FDFT1: variants seen among roughly 807,000 people sequenced by gnomAD.
FDFT1 encodes the protein squalene synthase.
A neutral mutation model predicts 46.8 loss-of-function variants in FDFT1; 68 were observed. The ratio of observed to expected loss-of-function variants is 1.45; its 90% CI spans 1.19 to 1.78. The LOEUF (loss-of-function observed/expected upper bound fraction) is 1.78, where lower values mean the gene tolerates loss of function less well. Among genes scored for constraint, FDFT1 ranks in the 40% most tolerant of loss-of-function variants. The pLI is 0.00. For missense variants in FDFT1, 928 were observed against 524.4 expected, an observed-to-expected ratio of 1.77 and a Z score of -7.52; for synonymous variants, 351 against 185.1, an observed-to-expected ratio of 1.90 and a Z score of -7.28.
chr8:11,805,689 C>T (rs947023511), intron 1 of FDFT1, among the ~76,000 whole-genome samples: 1 of 152,204 alleles, frequency 6.6e-6, no homozygotes, highest in Non-Finnish European at 1.5e-5. Flanking sequence ...CACTTGGCAG[C>T]AAAACCTGAC....
intron 4 of FDFT1, among the ~76,000 whole-genome samples, chr8:11,823,188 T>A (rs1050802851): frequency 1.3e-5 from 2 of 152,146 alleles, no homozygotes; most frequent in African/African-American, 4.8e-5. Context: ...ACTCCTGGCA[T>A]CAAACAGTCC....
At chr8:11,817,324 A>G (rs1808594333) in intron 3 of FDFT1, among the ~76,000 whole-genome samples, 1 of 152,172 alleles carries the variant, frequency 6.6e-6, no homozygotes, top group African/African-American at 2.4e-5. Flanking sequence ...ATTGGCCTAA[A>G]ATTCTCTTTT....
At position 11,826,235 on chromosome 8, in the gene FDFT1, T is replaced by C. The variant is rs762161668; in HGVS notation, c.702+20T>C. The C allele has an allele frequency of 3.5e-5, 52 of 1,482,888 alleles. No homozygotes were observed. The highest frequency in any genetic ancestry group is 1.8e-4 in the Middle Eastern group (1 of 5,434). 91.9% of individuals were successfully genotyped at this position (1,482,888 alleles called of 1,614,324 possible). ...CAAGAGGTAACAGATTCAGGGTATTTTGGGGGAAAATAACTTTAGACATTC... is the reference window on the plus strand; with the variant it reads ...CAAGAGGTAACAGATTCAGGGTATTCTGGGGGAAAATAACTTTAGACATTC... On this transcript the variant is annotated intron_variant, in intron 5 of 7. Transcript: ENST00000220584.
At chr8:11,829,655 A>G (rs1810498185) in intron 5 of FDFT1, among the ~76,000 whole-genome samples, 1 of 152,154 alleles carries the variant, frequency 6.6e-6, no homozygotes, top group African/African-American at 2.4e-5. Flanking sequence ...AATTCGTCCA[A>G]GTAGTGCAGT....
upstream of FDFT1, among the ~76,000 whole-genome samples, chr8:11,801,263 C>T (rs939211858): frequency 6.6e-5 from 10 of 152,190 alleles, no homozygotes; most frequent in African/African-American, 2.4e-4. Flanking sequence ...CCTATAGGTG[C>T]TTTGGCTTTT....
chr8:11,821,350 T>TGG (rs1423080839), intron 3 of FDFT1, among the ~76,000 whole-genome samples: 1 of 152,226 alleles, frequency 6.6e-6, no homozygotes, highest in Non-Finnish European at 1.5e-5. Context: ...CCCAGCAGTT[T>TGG]GGGAGGCCAG....
At chr8:11,832,736 G>A (rs923541841) in intron 7 of FDFT1, among the ~76,000 whole-genome samples, 10 of 151,894 alleles carry the variant, frequency 6.6e-5, no homozygotes, top group Admixed American at 3.9e-4. Flanking sequence ...GGTGCTACTG[G>A]CATCTGGTGA....
intron 3 of FDFT1, among the ~76,000 whole-genome samples, chr8:11,818,021 C>T (rs1284587988): frequency 1.3e-5 from 2 of 152,192 alleles, no homozygotes; most frequent in Admixed American, 1.3e-4. Flanking sequence ...TCCCTCTACA[C>T]ACTGCTTTAA....
At chr8:11,809,921 T>C in intron 3 of FDFT1, 71 bp downstream of exon 3, 6 of 1,176,854 alleles carry the variant, frequency 5.1e-6, no homozygotes, top group Non-Finnish European at 7.3e-6. Flanking sequence ...TCCGGTAGCC[T>C]CCATACATGT....
At chr8:11,818,084 G>T (rs1808709621) in intron 3 of FDFT1, among the ~76,000 whole-genome samples, 1 of 152,190 alleles carries the variant, frequency 6.6e-6, no homozygotes, top group Non-Finnish European at 1.5e-5. Flanking sequence ...TGGTTTCAAA[G>T]AACATCTTTA....
chr8:11,802,721 C>T (rs1287272887), upstream of FDFT1: 8 of 820,496 alleles, frequency 9.8e-6, no homozygotes, highest in Non-Finnish European at 1.2e-5. Flanking sequence ...TAGGCCTGCC[C>T]CCTGTCCGGC....
chr8:11,809,946 T>G (rs113584178), intron 3 of FDFT1, 96 bp downstream of exon 3: 24 of 947,250 alleles, frequency 2.5e-5, no homozygotes, highest in African/African-American at 2.5e-4. Flanking sequence ...AAAGGTTAAA[T>G]AAGCATTCTG....
At chr8:11,801,950 A>G (rs1330401120), upstream of FDFT1, 3 of 454,920 alleles carry the variant, frequency 6.6e-6, no homozygotes. Flanking sequence ...TGGCCTCCCA[A>G]AGTGTTGCGA....
chr8:11,809,070 C>G (rs1204651965), intron 2 of FDFT1, 179 bp downstream of exon 2: 4 of 1,285,262 alleles, frequency 3.1e-6, no homozygotes, highest in African/African-American at 3.1e-5. Flanking sequence ...TCTTTGCCAT[C>G]TAGTAGAGTC....
chr8:11,825,921 CCCA>C, intron 4 of FDFT1, 100 bp from the exon 5 acceptor site: 1 of 620,004 alleles, frequency 1.6e-6, no homozygotes, highest in Non-Finnish European at 2.6e-6. Context: ...TGCATTCTTA[CCCA>C]TTCTCTTTTG....
intron 7 of FDFT1, among the ~76,000 whole-genome samples, chr8:11,834,564 C>G (rs749270530): frequency 1.3e-5 from 2 of 151,964 alleles, no homozygotes; most frequent in Non-Finnish European, 2.9e-5. Context: ...CACCTGGGAG[C>G]CCATTAAGAC....
At chr8:11,809,461 T>C (rs1338807530) in intron 2 of FDFT1, 4 of 1,293,394 alleles carry the variant, frequency 3.1e-6, no homozygotes, top group Non-Finnish European at 2.0e-6. Context: ...GTAGGCTTTT[T>C]AATAAACTAC....
intron 5 of FDFT1, among the ~76,000 whole-genome samples, chr8:11,829,277 A>ATGT (rs1810440844): frequency 6.6e-6 from 1 of 152,250 alleles, no homozygotes; most frequent in South Asian, 2.1e-4. Context: ...TACATTAATG[A>ATGT]TGTTATATAA....
rs979464852 is a variant in FDFT1 at position 11,837,844 on chromosome 8, G to A, written c.1033-544G>A. ...TTTTAGGGATGTAGGGGAAGAGATG[G>A]ATTCTGCACATACTTGGGAGGCTTG... On this transcript the variant is annotated intron_variant, in intron 7 of 7. Transcript: ENST00000220584. 3.3e-5 allele frequency among the ~76,000 whole-genome samples: 5 copies of A among 152,248 alleles called. No homozygotes were observed. In the East Asian group the frequency reaches 5.8e-4, roughly 18 times the overall value.
Sources: allele counts gnomAD v4.1 joint callset (sites outside exome capture counted in the v4.1 genomes callset), GRCh38; gene constraint gnomAD v4.1.1; transcripts MANE v1.5; gene names NCBI Gene and HGNC (gene_info 2026-07-23, HGNC 2026-07-21).